Variants in FNTA observed in about 807,000 individuals in gnomAD.
FNTA encodes the protein farnesyltransferase, CAAX box, subunit alpha, also known as protein farnesyltransferase/geranylgeranyltransferase type-1 subunit alpha.
FNTA carries 27 observed loss-of-function variants against 55.2 expected under a neutral mutation model. The ratio of observed to expected loss-of-function variants is 0.49; its 90% CI spans 0.36 to 0.67. The LOEUF (loss-of-function observed/expected upper bound fraction) is 0.67. Among genes scored for constraint, FNTA ranks in the 30% least tolerant of loss-of-function variants. The pLI is 0.00. For synonymous variants in FNTA, 176 were observed against 170.7 expected, an observed-to-expected ratio of 1.03 and a Z score of -0.24; for missense variants, 422 against 464.7, an observed-to-expected ratio of 0.91 and a Z score of 0.85.
At chr8:43,062,384 C>T (rs1249427221) in intron 2 of FNTA, among the ~76,000 whole-genome samples, 1 of 151,756 alleles carries the variant, frequency 6.6e-6, no homozygotes, top group Non-Finnish European at 1.5e-5. Context: ...CAGGTTCAAG[C>T]GATTCTCGTG....
intron 6 of FNTA, chr8:43,078,248 G>T (rs1810953023): frequency 6.6e-6 from 1 of 152,082 alleles, no homozygotes; most frequent in Admixed American, 6.6e-5. Flanking sequence ...TACCCCTCAA[G>T]CACACTTCAT....
chr8:43,060,225 A>G (rs1489446974), intron 2 of FNTA, among the ~76,000 whole-genome samples: 1 of 152,214 alleles, frequency 6.6e-6, no homozygotes. Context: ...ACAAAATAGA[A>G]ATATCTATGA....
intron 7 of FNTA, among the ~76,000 whole-genome samples, chr8:43,084,154 G>A (rs1003591231): frequency 6.8e-6 from 1 of 147,538 alleles, no homozygotes; most frequent in African/African-American, 2.5e-5. Flanking sequence ...TACAGTTTAA[G>A]TTATAAATGA....
chr8:43,064,132 C>G lies in FNTA; in HGVS notation c.318C>G (p.Val106=). 6.2e-7 allele frequency: 1 copy of G among 1,613,772 alleles called. No individual in the cohort carries two copies. The highest frequency in any genetic ancestry group is 1.1e-5 in the South Asian group (1 of 91,074). Residue 106 remains valine, a synonymous_variant, in exon 3 of 9, where the codon GTC becomes GTG. Transcript: ENST00000302279. ...FRDVYDYFRA[V]LQRDERSERA... is the part of the protein sequence containing the mutation. ...ATGTTTATGATTACTTCCGAGCTGT[C>G]CTGCAGCGTGATGAAAGAAGTGAAC...
rs556394996 is a variant in FNTA at position 43,076,868 on chromosome 8, A to ACT, written c.634-347_634-346dup. Reference sequence around the variant, plus strand: ...CTCCAGCCTGGGCAACAAGAGTGAAACTGCCTCAAAAAAATAATAATAAGA... The same window carrying ACT: ...CTCCAGCCTGGGCAACAAGAGTGAAACTCTGCCTCAAAAAAATAATAATAAGA... On this transcript the variant is annotated intron_variant, in intron 5 of 8. Transcript: ENST00000302279. 389 of 155,264 alleles carry ACT rather than the reference A, an allele frequency of 2.5e-3. 3 individuals carry two copies. Among genetic ancestry groups the ACT allele is most frequent in the South Asian group, 0.012 (58 of 5,028 alleles). 9.6% of individuals were successfully genotyped at this position (155,264 alleles called of 1,614,324 possible).
chr8:43,064,326 A>AG, intron 3 of FNTA, 111 bp downstream of exon 3: 2 of 659,342 alleles, frequency 3.0e-6, no homozygotes, highest in South Asian at 1.9e-5. Context: ...TTTTTTTTGG[A>AG]GGGGGGTGCA....
intron 4 of FNTA, chr8:43,070,034 A>G (rs1810751821): frequency 6.6e-6 from 1 of 152,448 alleles, no homozygotes; most frequent in South Asian, 2.0e-4. Context: ...CGAGCAGATC[A>G]CTTGAGTTCA....
chr8:43,059,315 T>C (rs1341613776), intron 2 of FNTA, 138 bp downstream of exon 2: 1 of 562,082 alleles, frequency 1.8e-6, no homozygotes, highest in African/African-American at 1.9e-5. Flanking sequence ...TAATTTTGTG[T>C]TTTTTTTATG....
intron 2 of FNTA, among the ~76,000 whole-genome samples, chr8:43,063,042 C>G (rs959886475): frequency 1.3e-5 from 2 of 151,740 alleles, no homozygotes; most frequent in Non-Finnish European, 2.9e-5. Flanking sequence ...CTCAGCCTCC[C>G]GAGTAGCTGG....
At chr8:43,061,907 C>T (rs563242272) in intron 2 of FNTA, among the ~76,000 whole-genome samples, 6 of 152,032 alleles carry the variant, frequency 3.9e-5, no homozygotes, top group South Asian at 2.1e-4. Context: ...TTAGTAGAGA[C>T]GGGGTTTCTC....
In FNTA at chr8:43,059,660, A is replaced by G. The variant is rs540353719; in HGVS notation, c.286+483A>G. On this transcript the variant is annotated intron_variant, in intron 2 of 8. Coordinates refer to ENST00000302279, the MANE Select transcript of FNTA (RefSeq NM_002027.3). ...AATATTCTTTTGTAATGAATGTGAA[A>G]GTGTAAATTGAAGGTCGTGGAAATG... is the stretch of plus-strand genomic sequence containing the variant. 3.3e-5 allele frequency among the ~76,000 whole-genome samples: 5 copies of G among 152,342 alleles called. No homozygotes were observed. The East Asian group carries it at 9.6e-4, about 29-fold the overall frequency.
At chr8:43,057,411 T>C (rs750812414) in intron 1 of FNTA, 7 of 152,178 alleles carry the variant, frequency 4.6e-5, no homozygotes, top group Non-Finnish European at 1.0e-4. Flanking sequence ...TGATTTAAAT[T>C]GGTAGCCCCA....
At chr8:43,074,922 C>CAT (rs2130563441) in intron 5 of FNTA, among the ~76,000 whole-genome samples, 1 of 152,258 alleles carries the variant, frequency 6.6e-6, no homozygotes, top group East Asian at 1.9e-4. Flanking sequence ...CAAGTGAGTA[C>CAT]ATGTAAGATC....
chr8:43,075,784 G>A (rs1396425576), intron 5 of FNTA, among the ~76,000 whole-genome samples: 1 of 152,124 alleles, frequency 6.6e-6, no homozygotes, highest in African/African-American at 2.4e-5. Flanking sequence ...CCACTGCACT[G>A]CAGCCTGGGC....
intron 6 of FNTA, chr8:43,081,753 G>A (rs1362293331): frequency 6.6e-6 from 1 of 152,140 alleles, no homozygotes; most frequent in Non-Finnish European, 1.5e-5. Context: ...TTGTAGCGAT[G>A]AGGTCTCACT....
At position 43,056,488 on chromosome 8, in the gene FNTA, G is replaced by T; in HGVS notation, c.142G>T (p.Ala48Ser). Residue 48 changes from alanine (A) to serine (S), a missense_variant, in exon 1 of 9, where the codon GCG (alanine) becomes TCG (serine). This residue lies in a region of FNTA where 160 missense variants were observed against 121.6 expected (regional missense o/e 1.32). Coordinates refer to ENST00000302279, the MANE Select transcript of FNTA (RefSeq NM_002027.3). ...GGCGGCCGAGGCTGGGGAAGCCGTG[G>T]CGTCCCCCATGGACGACGGGTTTGT... ...EMAAEAGEAV[A>S]SPMDDGFVSL... 6.4e-7 allele frequency: 1 copy of T among 1,573,334 alleles called. No individual in the cohort carries two copies. The highest frequency in any genetic ancestry group is 1.2e-5 in the South Asian group (1 of 85,094).
At chr8:43,064,014 A>G (rs959327468) in intron 2 of FNTA, 87 bp from the exon 3 acceptor site, 21 of 826,808 alleles carry the variant, frequency 2.5e-5, no homozygotes. Flanking sequence ...GGCCAATAAA[A>G]TATCTTTATA....
chr8:43,085,539 C>G lies in FNTA; in HGVS notation c.*257C>G, dbSNP rs1811111633. The G allele has an allele frequency of 2.2e-6, 1 of 459,404 alleles. No homozygotes were observed. The highest frequency in any genetic ancestry group is 3.8e-6 in the Non-Finnish European group (1 of 259,848). The allele number at this position is 459,404 out of a possible 1,614,324, so 28.5% of individuals were successfully genotyped here. A position where few individuals can be genotyped will look rare whatever the true frequency, so the allele number is the denominator to read the frequency against. ...CATAAAGGAACTTTTGTAGTCTTAT[C>G]AACATATAATCTAATCCCTTAGCAT... On this transcript the variant is annotated 3_prime_UTR_variant, in exon 9 of 9. Coordinates refer to ENST00000302279, the MANE Select transcript of FNTA (RefSeq NM_002027.3).
chr8:43,067,178 T>A (rs1354440454), intron 3 of FNTA, among the ~76,000 whole-genome samples: 2 of 152,236 alleles, frequency 1.3e-5, no homozygotes, highest in Non-Finnish European at 2.9e-5. Flanking sequence ...AGACAGGATG[T>A]CACTTCTGTC....
Sources: allele counts gnomAD v4.1 joint callset (sites outside exome capture counted in the v4.1 genomes callset), GRCh38; gene constraint gnomAD v4.1.1; regional missense constraint gnomAD v4.1.1; transcripts MANE v1.5; gene names NCBI Gene and HGNC (gene_info 2026-07-23, HGNC 2026-07-21).